TPST1: variants seen among roughly 807,000 people sequenced by gnomAD.
TPST1 encodes the protein protein-tyrosine sulfotransferase 1.
A neutral mutation model predicts 34.8 loss-of-function variants in TPST1; 20 were observed. The ratio of observed to expected loss-of-function variants is 0.57; its 90% CI spans 0.40 to 0.84. The LOEUF is 0.84. TPST1 is among the 40% of genes least tolerant of loss of function. The pLI is 0.00. For missense variants in TPST1, 353 were observed against 455.5 expected (o/e 0.78, Z 2.05); for synonymous variants, 152 against 159.4 (o/e 0.95, Z 0.35).
At chr7:66,255,946 A>G (rs899607385) in intron 2 of TPST1, among the ~76,000 whole-genome samples, 3 of 152,134 alleles carry the variant, frequency 2.0e-5, no homozygotes, top group African/African-American at 4.8e-5. Flanking sequence ...TTGATGAATC[A>G]TTGCCCAGAC....
At chr7:66,321,057 G>A (rs918050471) in intron 3 of TPST1, among the ~76,000 whole-genome samples, 1 of 152,174 alleles carries the variant, frequency 6.6e-6, no homozygotes, top group Non-Finnish European at 1.5e-5. Context: ...TATATTGGGA[G>A]TTCCCAAGAC....
chr7:66,339,666 G>A (rs548958631), intron 3 of TPST1, among the ~76,000 whole-genome samples: 88 of 151,944 alleles, frequency 5.8e-4, no homozygotes, highest in African/African-American at 2.1e-3. Flanking sequence ...TACGAAGAGG[G>A]GAAGAACAGA....
intron 3 of TPST1, among the ~76,000 whole-genome samples, chr7:66,313,097 A>G (rs1183184971): frequency 1.3e-5 from 2 of 151,942 alleles, no homozygotes; most frequent in Non-Finnish European, 2.9e-5. Flanking sequence ...GGCACAAAAA[A>G]ATGAGCTTTC....
chr7:66,297,801 A>G (rs1791232121), intron 3 of TPST1, among the ~76,000 whole-genome samples: 1 of 152,228 alleles, frequency 6.6e-6, no homozygotes, highest in African/African-American at 2.4e-5. Flanking sequence ...GAATGAATGC[A>G]TACTTGTGTT....
chr7:66,270,136 G>A (rs1790676906), intron 2 of TPST1, among the ~76,000 whole-genome samples: 1 of 152,066 alleles, frequency 6.6e-6, no homozygotes, highest in African/African-American at 2.4e-5. Flanking sequence ...AGGAAGGAGT[G>A]CTCCAGGCAG....
At chr7:66,313,071 A>G (rs554460580) in intron 3 of TPST1, among the ~76,000 whole-genome samples, 1 of 140,956 alleles carries the variant, frequency 7.1e-6, no homozygotes, top group Non-Finnish European at 1.6e-5. Context: ...AAAAAAAAAA[A>G]TCCTGCATAT....
intron 1 of TPST1, among the ~76,000 whole-genome samples, chr7:66,236,693 A>G (rs1414975002): frequency 6.6e-6 from 1 of 152,200 alleles, no homozygotes; most frequent in Non-Finnish European, 1.5e-5. Flanking sequence ...CGTGTTCCCC[A>G]ACCTTGGCAA....
chr7:66,262,718 T>C (rs1296043046), intron 2 of TPST1, among the ~76,000 whole-genome samples: 1 of 152,128 alleles, frequency 6.6e-6, no homozygotes, highest in Non-Finnish European at 1.5e-5. Flanking sequence ...TCTTCCACTT[T>C]CCTTTGGGCA....
At chr7:66,272,455 A>G (rs145936608) in intron 2 of TPST1, among the ~76,000 whole-genome samples, 80 of 152,292 alleles carry the variant, frequency 5.3e-4, no homozygotes, top group South Asian at 2.1e-3. Flanking sequence ...CAAATTAGAT[A>G]CAGAAGGAAG....
At chr7:66,356,697 G>T in intron 4 of TPST1, 128 bp from the exon 5 acceptor site, 1 of 1,003,852 alleles carries the variant, frequency 1.0e-6, no homozygotes, top group Non-Finnish European at 1.5e-6. Flanking sequence ...GCATACCACA[G>T]TAGTGCACTG....
intron 3 of TPST1, among the ~76,000 whole-genome samples, chr7:66,296,246 T>TA (rs1791190959): frequency 1.5e-4 from 2 of 13,664 alleles, no homozygotes; most frequent in South Asian, 2.0e-3. Flanking sequence ...ACACCCACCC[T>TA]TCCCCCCCCC....
chr7:66,212,553 G>A (rs907348315), intron 1 of TPST1, among the ~76,000 whole-genome samples: 1 of 150,808 alleles, frequency 6.6e-6, no homozygotes, highest in African/African-American at 2.4e-5. Context: ...TTCGTTTCCC[G>A]GGTTCAAGAG....
chr7:66,216,953 T>C (rs1448985568), intron 1 of TPST1, among the ~76,000 whole-genome samples: 1 of 152,250 alleles, frequency 6.6e-6, no homozygotes, highest in Non-Finnish European at 1.5e-5. Context: ...TGCTCATTGG[T>C]TATTTAGGAG....
chr7:66,228,057 C>T (rs1411359937), intron 1 of TPST1, among the ~76,000 whole-genome samples: 1 of 152,112 alleles, frequency 6.6e-6, no homozygotes, highest in Non-Finnish European at 1.5e-5. Context: ...AAATGCATTA[C>T]AAGTATATTT....
At chr7:66,221,929 GT>G (rs1263278638) in intron 1 of TPST1, among the ~76,000 whole-genome samples, 1 of 152,128 alleles carries the variant, frequency 6.6e-6, no homozygotes, top group Non-Finnish European at 1.5e-5. Context: ...AAATTGCAAA[GT>G]TTTTTTCATC....
intron 3 of TPST1, among the ~76,000 whole-genome samples, chr7:66,304,875 T>TGGCGCC (rs1236683840): frequency 7.9e-5 from 12 of 152,080 alleles, no homozygotes; most frequent in Non-Finnish European, 1.6e-4. Flanking sequence ...TGCAGTGCAG[T>TGGCGCC]GGCGCCATCA....
At chr7:66,235,425 A>G (rs1293855951) in intron 1 of TPST1, among the ~76,000 whole-genome samples, 4 of 152,196 alleles carry the variant, frequency 2.6e-5, no homozygotes, top group Non-Finnish European at 4.4e-5. Context: ...TTGAAGCTTT[A>G]TATAGTGCCT....
chr7:66,267,344 TG>T (rs1790611661), intron 2 of TPST1, among the ~76,000 whole-genome samples: 1 of 152,158 alleles, frequency 6.6e-6, no homozygotes, highest in Non-Finnish European at 1.5e-5. Flanking sequence ...TTAACCAAAT[TG>T]GTTCTGTTAT....
intron 3 of TPST1, among the ~76,000 whole-genome samples, chr7:66,324,668 G>T (rs2116224384): frequency 6.6e-6 from 1 of 151,798 alleles, no homozygotes; most frequent in South Asian, 2.1e-4. Flanking sequence ...ACCTGGTGGT[G>T]GGTTCCTGTA....
Sources: allele counts gnomAD v4.1 joint callset (sites outside exome capture counted in the v4.1 genomes callset), GRCh38; gene constraint gnomAD v4.1.1; transcripts MANE v1.5; gene names NCBI Gene and HGNC (gene_info 2026-07-23, HGNC 2026-07-21).